VSTM2B: variants seen among roughly 807,000 people sequenced by gnomAD.
The protein encoded by VSTM2B is V-set and transmembrane domain containing 2B.
In VSTM2B, 24 loss-of-function variants were observed where a neutral mutation model predicts 24.0. The ratio of observed to expected loss-of-function variants is 1.00; its 90% CI spans 0.72 to 1.40. The LOEUF is 1.40. Among genes scored for constraint, VSTM2B ranks in the 40% most tolerant of loss-of-function variants. The pLI, the probability that VSTM2B is intolerant of heterozygous loss-of-function variation, is 0.00. For synonymous variants in VSTM2B, 226 were observed against 194.4 expected (o/e 1.16, Z -1.35); for missense variants, 399 against 416.4 (o/e 0.96, Z 0.36).
At chr19:29,528,353 C>T in intron 2 of VSTM2B, 80 bp from the exon 3 acceptor site, 2 of 1,540,502 alleles carry the variant, frequency 1.3e-6, no homozygotes, top group South Asian at 1.2e-5. Context: ...AGGAGGGTGC[C>T]CTTGCCTAAA....
In VSTM2B at chr19:29,526,446, G is replaced by A. The variant is rs949014773; in HGVS notation, c.-138G>A. On this transcript the variant is annotated 5_prime_UTR_variant, in exon 1 of 5. Coordinates refer to ENST00000335523, the MANE Select transcript of VSTM2B (RefSeq NM_001146339.2). The surrounding 1 kb of genome is among the most constrained non-coding windows in gnomAD (Gnocchi z 4.1). ...GAGCGGGGCTGATTGGCGGCCGCCG[G>A]CGGCCAGGGGAGGGGGCGCCGCGCG... The A allele has an allele frequency of 1.7e-5, 6 of 345,312 alleles. No individual in the cohort carries two copies. Among genetic ancestry groups the A allele is most frequent in the East Asian group, 6.4e-5 (1 of 15,576 alleles). The allele number at this position is 345,312 out of a possible 1,614,324, so 21.4% of individuals were successfully genotyped here.
chr19:29,528,638 T>C (rs1969646320), intron 3 of VSTM2B, among the ~76,000 whole-genome samples, 176 bp downstream of exon 3: 1 of 152,236 alleles, frequency 6.6e-6, no homozygotes. Context: ...CTGTCGCCGG[T>C]TGCAGGGTCG....
intron 4 of VSTM2B, among the ~76,000 whole-genome samples, chr19:29,555,057 G>A (rs1452725039): frequency 6.6e-6 from 1 of 152,110 alleles, no homozygotes; most frequent in Non-Finnish European, 1.5e-5. Context: ...TGGATTAAGT[G>A]GACCTGATAC....
chr19:29,544,766 T>C (rs1444248416), intron 4 of VSTM2B, among the ~76,000 whole-genome samples: 3 of 152,116 alleles, frequency 2.0e-5, no homozygotes, highest in Non-Finnish European at 4.4e-5. Context: ...AGCCCCAGCT[T>C]GTATCTGAAG....
chr19:29,532,193 C>T (rs1186186487), intron 4 of VSTM2B, among the ~76,000 whole-genome samples: 1 of 152,176 alleles, frequency 6.6e-6, no homozygotes, highest in Non-Finnish European at 1.5e-5. Flanking sequence ...AGAAAAATGG[C>T]AAGGCGTTTT....
intron 4 of VSTM2B, among the ~76,000 whole-genome samples, chr19:29,549,486 A>G (rs1255258393): frequency 6.6e-6 from 1 of 151,680 alleles, no homozygotes; most frequent in Non-Finnish European, 1.5e-5. Flanking sequence ...GTGCTGCCCC[A>G]GGAGGTCCCT....
At chr19:29,560,187 C>T (rs2145518175) in intron 4 of VSTM2B, among the ~76,000 whole-genome samples, 1 of 152,234 alleles carries the variant, frequency 6.6e-6, no homozygotes, top group Non-Finnish European at 1.5e-5. Context: ...CCAGCAAAAG[C>T]AAGTCATGTG....
intron 4 of VSTM2B, among the ~76,000 whole-genome samples, chr19:29,558,491 A>C (rs4805425): frequency 0.39 from 59,533 of 152,096 alleles, 12,136 homozygotes; most frequent in Middle Eastern, 0.52. Context: ...CTGGATAAAG[A>C]AAATGTGGTG....
Position 29,529,805 on chromosome 19 carries a change from C to T in VSTM2B, c.298-14C>T. On this transcript the variant is annotated splice_polypyrimidine_tract_variant and intron_variant, in intron 3 of 4. Transcript: ENST00000335523. ...GAGCTGCCCAGCCCGGCCTCTAACC[C>T]TGCTCTCTTGCAGACCGTACGCGTC... The T allele has an allele frequency of 1.3e-6, 2 of 1,547,820 alleles. No individual in the cohort carries two copies. Among genetic ancestry groups the T allele is most frequent in the Non-Finnish European group, 1.7e-6 (2 of 1,145,726 alleles).
At chr19:29,559,301 G>T (rs2145516465) in intron 4 of VSTM2B, among the ~76,000 whole-genome samples, 1 of 152,360 alleles carries the variant, frequency 6.6e-6, no homozygotes, top group Admixed American at 6.5e-5. Flanking sequence ...ATGAGTTCAT[G>T]TCCTTTGCAG....
At chr19:29,543,448 A>C (rs1970070063) in intron 4 of VSTM2B, among the ~76,000 whole-genome samples, 1 of 152,240 alleles carries the variant, frequency 6.6e-6, no homozygotes, top group Non-Finnish European at 1.5e-5. Flanking sequence ...TCCAGGTGTC[A>C]CTGAGGTGGA....
At position 29,540,269 on chromosome 19, in the gene VSTM2B, C is replaced by T. The variant is rs141864480; in HGVS notation, c.769+9979C>T. Among the ~76,000 whole-genome samples, 595 of 152,332 alleles carry T rather than the reference C, an allele frequency of 3.9e-3. 2 individuals carry two copies. The highest frequency in any genetic ancestry group is 7.0e-3 in the Non-Finnish European group (473 of 68,026). On this transcript the variant is annotated intron_variant, in intron 4 of 4. Coordinates refer to ENST00000335523, the MANE Select transcript of VSTM2B (RefSeq NM_001146339.2). Reference sequence around the variant, plus strand: ...AGCATCAGGCAGACCTAGCCCCTGCCCCAGGTAGGAGCTCATGGTCTAGTT... The same window carrying T: ...AGCATCAGGCAGACCTAGCCCCTGCTCCAGGTAGGAGCTCATGGTCTAGTT...
At chr19:29,556,635 T>C (rs1216669306) in intron 4 of VSTM2B, among the ~76,000 whole-genome samples, 1 of 152,194 alleles carries the variant, frequency 6.6e-6, no homozygotes, top group Non-Finnish European at 1.5e-5. Context: ...AACCCCATTG[T>C]CTCAGCCAAA....
intron 4 of VSTM2B, among the ~76,000 whole-genome samples, chr19:29,537,328 G>GAACCCT (rs1335557191): frequency 2.6e-5 from 4 of 152,134 alleles, no homozygotes; most frequent in Non-Finnish European, 5.9e-5. Flanking sequence ...GTGGGTTAGG[G>GAACCCT]TGTAGCTGCT....
chr19:29,552,862 C>T (rs1970317887), intron 4 of VSTM2B, among the ~76,000 whole-genome samples: 1 of 152,184 alleles, frequency 6.6e-6, no homozygotes, highest in Non-Finnish European at 1.5e-5. Context: ...GTCAGACTGC[C>T]CCTTTAGGCC....
At position 29,526,576 on chromosome 19, in the gene VSTM2B, C is replaced by A. The variant is rs1264906727; in HGVS notation, c.-8C>A. The A allele has an allele frequency of 7.9e-6, 12 of 1,510,170 alleles. No individual in the cohort carries two copies. Among genetic ancestry groups the A allele is most frequent in the Non-Finnish European group, 9.7e-6 (11 of 1,134,746 alleles). 93.5% of individuals were successfully genotyped at this position (1,510,170 alleles called of 1,614,324 possible). On this transcript the variant is annotated 5_prime_UTR_variant, in exon 1 of 5. Coordinates refer to ENST00000335523, the MANE Select transcript of VSTM2B (RefSeq NM_001146339.2). This position sits in a 1 kb window ranked among gnomAD's most constrained non-coding sequence, Gnocchi z 4.1. ...GGGCCCCCGCCGCCACCGCGCCCCC[C>A]GCGGGAGATGGAACAGCGGAACCGG...
Position 29,529,850 on chromosome 19 carries a change from A to C in VSTM2B, c.329A>C (p.His110Pro). 6.5e-7 allele frequency: 1 copy of C among 1,550,020 alleles called. No homozygotes were observed. Among genetic ancestry groups the C allele is most frequent in the Non-Finnish European group, 8.7e-7 (1 of 1,146,684 alleles). ...CGCGTCCAGGGCAATGACATCTCAC[A>C]CCGGCTTCGGCTGTCTGCCGTGCGG... ...TVRVQGNDISHRLRLSAVRLQ... is the reference protein window; with the variant it reads ...TVRVQGNDISPRLRLSAVRLQ... The change falls in exon 4 of 5, where the codon CAC (histidine) becomes CCC (proline). Residue 110 changes from histidine to proline, a missense_variant. Coordinates refer to ENST00000335523, the MANE Select transcript of VSTM2B (RefSeq NM_001146339.2).
intron 4 of VSTM2B, among the ~76,000 whole-genome samples, chr19:29,549,170 T>C (rs544461435): frequency 1.3e-5 from 2 of 152,366 alleles, no homozygotes; most frequent in African/African-American, 4.8e-5. Context: ...TAAGACTCTG[T>C]GTGCACCAAA....
intron 4 of VSTM2B, among the ~76,000 whole-genome samples, chr19:29,563,482 A>T (rs1048612296): frequency 1.4e-4 from 21 of 152,106 alleles, no homozygotes; most frequent in Non-Finnish European, 2.6e-4. Flanking sequence ...GGCTCAAGTG[A>T]TCCTCCAGCC....
Sources: gnomAD v4.1 joint callset for allele counts (sites outside exome capture counted in the v4.1 genomes callset) on GRCh38, gnomAD v4.1.1 for gene constraint, Gnocchi (gnomAD v3.1) non-coding constraint, MANE v1.5 for transcripts, NCBI Gene and HGNC (gene_info 2026-07-23, HGNC 2026-07-21) for gene names.